DTNA: variants seen among roughly 807,000 people sequenced by gnomAD.
DTNA encodes dystrophin-related protein 3.
In DTNA, 43 loss-of-function variants were observed where a neutral mutation model predicts 100.7. That is an observed-to-expected ratio of 0.43 (90% CI 0.33 to 0.55). The LOEUF (loss-of-function observed/expected upper bound fraction) is 0.55, where lower values mean the gene tolerates loss of function less well. Ranked by LOEUF, DTNA falls within the 20% of genes least tolerant of loss-of-function variation. DTNA has a pLI of 0.04. For missense variants in DTNA, 798 were observed against 953.9 expected (o/e 0.84, Z 2.15); for synonymous variants, 349 against 347.9 (o/e 1.00, Z -0.04).
rs2096941248 is a variant in DTNA, at chr18:34,888,425, T to C, written c.*691T>C. On this transcript the variant is annotated 3_prime_UTR_variant, in exon 23 of 23. Transcript: ENST00000444659. ...CTCCAAGTCTCTGTGAGCAGTGACT[T>C]GAACCAAACACACCAGGAATAATCC... The C allele has an allele frequency of 3.0e-6, 3 of 985,856 alleles. No homozygotes were observed. The highest frequency in any genetic ancestry group is 3.6e-6 in the Non-Finnish European group (3 of 829,940). 61.1% of individuals were successfully genotyped at this position (985,856 alleles called of 1,614,324 possible).
intron 1 of DTNA, among the ~76,000 whole-genome samples, chr18:34,736,257 A>T (rs1293229177): frequency 6.6e-6 from 1 of 152,138 alleles, no homozygotes; most frequent in Non-Finnish European, 1.5e-5. Context: ...CACACACTAC[A>T]CATATGTATG....
intron 1 of DTNA, among the ~76,000 whole-genome samples, chr18:34,508,130 C>T (rs1270801391): frequency 6.6e-6 from 1 of 152,136 alleles, no homozygotes; most frequent in Non-Finnish European, 1.5e-5. Flanking sequence ...TGAGCCAGGC[C>T]TACACTTCCC....
chr18:34,750,853 T>G (rs1485862134), intron 1 of DTNA, among the ~76,000 whole-genome samples: 1 of 152,254 alleles, frequency 6.6e-6, no homozygotes, highest in Non-Finnish European at 1.5e-5. Flanking sequence ...AGGTGTGCCT[T>G]GAAGGAAGTA....
intron 1 of DTNA, among the ~76,000 whole-genome samples, chr18:34,508,462 G>A (rs1813030377): frequency 6.6e-6 from 1 of 152,100 alleles, no homozygotes; most frequent in Non-Finnish European, 1.5e-5. Flanking sequence ...CTGTCCTGAG[G>A]AAAGAAAAGC....
chr18:34,846,105 T>C (rs2096372666), intron 13 of DTNA, among the ~76,000 whole-genome samples: 1 of 152,288 alleles, frequency 6.6e-6, no homozygotes, highest in East Asian at 1.9e-4. Context: ...GTTGAACCAG[T>C]ACACTGGACC....
At chr18:34,662,178 T>C (rs1171314837) in intron 1 of DTNA, among the ~76,000 whole-genome samples, 6 of 150,192 alleles carry the variant, frequency 4.0e-5, no homozygotes, top group South Asian at 2.2e-4. Context: ...GTAAAAAGAA[T>C]AACATAGCAA....
chr18:34,730,257 C>T (rs1341030395), intron 1 of DTNA, among the ~76,000 whole-genome samples: 1 of 152,218 alleles, frequency 6.6e-6, no homozygotes, highest in African/African-American at 2.4e-5. Flanking sequence ...GTGAAAAGCA[C>T]TGACAACAGC....
chr18:34,647,642 C>T (rs2060001731), intron 1 of DTNA, among the ~76,000 whole-genome samples: 5 of 152,150 alleles, frequency 3.3e-5, no homozygotes, highest in Admixed American at 3.3e-4. Context: ...GGACTGGCTT[C>T]TAGGGCTACC....
chr18:34,753,087 C>A (rs1041243346), intron 1 of DTNA, among the ~76,000 whole-genome samples: 1 of 151,950 alleles, frequency 6.6e-6, no homozygotes, highest in Non-Finnish European at 1.5e-5. Context: ...CTCTTTCATT[C>A]ATTTATTCAA....
intron 1 of DTNA, among the ~76,000 whole-genome samples, chr18:34,683,170 T>C (rs1255263264): frequency 1.3e-5 from 2 of 152,186 alleles, no homozygotes; most frequent in African/African-American, 2.4e-5. Flanking sequence ...ATCTGACCTC[T>C]CTCTTTTAGT....
intron 1 of DTNA, among the ~76,000 whole-genome samples, chr18:34,548,917 T>C (rs1242397273): frequency 1.3e-5 from 2 of 152,136 alleles, no homozygotes; most frequent in Non-Finnish European, 2.9e-5. Context: ...GTGAAAGTGT[T>C]CTAGCCCACT....
chr18:34,771,242 G>A (rs936152106), intron 3 of DTNA, among the ~76,000 whole-genome samples: 9 of 152,182 alleles, frequency 5.9e-5, no homozygotes, highest in African/African-American at 2.2e-4. Flanking sequence ...GCTCACACCT[G>A]TATTCCCAGC....
rs181812172 is a variant in DTNA at position 34,768,449 on chromosome 18, A to G, written c.148+2408A>G. On this transcript the variant is annotated intron_variant, in intron 3 of 22. Coordinates refer to ENST00000444659, the MANE Select transcript of DTNA (RefSeq NM_001386795.1). The stretch of plus-strand genomic sequence containing the variant: ...GGACACACTGTGTTGTCCCCACTCA[A>G]CATTAAAGTGGACACACTGTGTTGT... Among the ~76,000 whole-genome samples, 115 of 144,802 alleles carry G rather than the reference A, an allele frequency of 7.9e-4. 1 individual carries two copies. Among genetic ancestry groups the G allele is most frequent in the Non-Finnish European group, 1.3e-3 (85 of 67,980 alleles). The allele number at this position is 144,802 out of a possible 152,430, so 95.0% of individuals were successfully genotyped here.
chr18:34,875,691 G>A (rs1026042798), intron 18 of DTNA, among the ~76,000 whole-genome samples: 1 of 152,142 alleles, frequency 6.6e-6, no homozygotes, highest in Non-Finnish European at 1.5e-5. Context: ...CTTCATAAAT[G>A]TAATCTATTT....
intron 1 of DTNA, among the ~76,000 whole-genome samples, chr18:34,703,473 CT>C (rs1480059229): frequency 1.8e-4 from 28 of 152,326 alleles, no homozygotes; most frequent in Non-Finnish European, 8.8e-5. Context: ...ACAGGCTTCT[CT>C]TCCACTTTCC....
At chr18:34,717,272 C>T (rs947719123) in intron 1 of DTNA, among the ~76,000 whole-genome samples, 18 of 152,314 alleles carry the variant, frequency 1.2e-4, no homozygotes, top group African/African-American at 4.3e-4. Flanking sequence ...GAAATAGCCA[C>T]GTGTGTCTAG....
At chr18:34,873,858 G>A (rs1392406290) in intron 17 of DTNA, among the ~76,000 whole-genome samples, 1 of 152,128 alleles carries the variant, frequency 6.6e-6, no homozygotes, top group Non-Finnish European at 1.5e-5. Flanking sequence ...CCTTGAGCAG[G>A]CCGAGGGAAG....
chr18:34,879,061 A>T (rs558899882), intron 19 of DTNA, among the ~76,000 whole-genome samples: 1 of 152,362 alleles, frequency 6.6e-6, no homozygotes, highest in African/African-American at 2.4e-5. Context: ...GTACAAAGTT[A>T]TTCTTGGTGT....
intron 16 of DTNA, among the ~76,000 whole-genome samples, chr18:34,862,627 C>T (rs188290245): frequency 6.6e-6 from 1 of 151,886 alleles, no homozygotes; most frequent in African/African-American, 2.4e-5. Flanking sequence ...AGTGAGAAAC[C>T]ATCTCTTAAA....
Sources: gnomAD v4.1 joint callset for allele counts (sites outside exome capture counted in the v4.1 genomes callset) on GRCh38, gnomAD v4.1.1 for gene constraint, MANE v1.5 for transcripts, NCBI Gene and HGNC (gene_info 2026-07-23, HGNC 2026-07-21) for gene names.